The following VAV3 variants were observed in gnomAD, a reference collection of about 807,000 sequenced individuals.
VAV3 encodes the protein vav guanine nucleotide exchange factor 3, also known as guanine nucleotide exchange factor VAV3.
A neutral mutation model predicts 131.2 loss-of-function variants in VAV3; 94 were observed. The observed-to-expected ratio is 0.72, with a 90% CI of 0.61 to 0.85. VAV3 has a LOEUF of 0.85. Among genes scored for constraint, VAV3 ranks in the 40% least tolerant of loss-of-function variants. The probability of loss-of-function intolerance (pLI) is 0.00; values close to 1 mark genes in which losing one functional copy is unlikely to be tolerated. For missense variants in VAV3, 939 were observed against 1,002.7 expected, an observed-to-expected ratio of 0.94 and a Z score of 0.86; for synonymous variants, 349 against 342.0, an observed-to-expected ratio of 1.02 and a Z score of -0.22.
intron 20 of VAV3, among the ~76,000 whole-genome samples, chr1:107,638,909 T>C (rs958220318): frequency 2.0e-5 from 3 of 151,708 alleles, no homozygotes; most frequent in African/African-American, 7.3e-5. Flanking sequence ...TACACACACA[T>C]ATAGATACAC....
intron 1 of VAV3, among the ~76,000 whole-genome samples, chr1:107,917,775 T>C (rs1361550241): frequency 2.0e-5 from 3 of 152,270 alleles, no homozygotes; most frequent in East Asian, 1.9e-4. Flanking sequence ...TTTTTCAATT[T>C]TGGAATACTT....
chr1:107,859,677 A>G (rs1467706959), intron 2 of VAV3, among the ~76,000 whole-genome samples: 1 of 152,228 alleles, frequency 6.6e-6, no homozygotes, highest in Non-Finnish European at 1.5e-5. Context: ...TAAATTCAAT[A>G]TAAATACATC....
intron 2 of VAV3, chr1:107,862,798 A>T (rs1222954658): frequency 6.9e-6 from 1 of 144,588 alleles, no homozygotes; most frequent in Non-Finnish European, 1.6e-5. Flanking sequence ...TATGTGCCAT[A>T]GCCTTGGAAA....
intron 1 of VAV3, among the ~76,000 whole-genome samples, chr1:107,941,165 C>T (rs1327758013): frequency 6.6e-6 from 1 of 152,152 alleles, no homozygotes; most frequent in African/African-American, 2.4e-5. Flanking sequence ...GTGGTGGCAA[C>T]CGTAGTCCCT....
intron 1 of VAV3, among the ~76,000 whole-genome samples, chr1:107,923,077 GT>G (rs1557926554): frequency 1.3e-5 from 2 of 151,948 alleles, no homozygotes; most frequent in Non-Finnish European, 2.9e-5. Flanking sequence ...AGCTTGCAGA[GT>G]TTTTTTATGC....
chr1:107,832,666 C>T (rs941219402), intron 2 of VAV3, among the ~76,000 whole-genome samples: 11 of 152,160 alleles, frequency 7.2e-5, no homozygotes, highest in African/African-American at 2.2e-4. Context: ...TTTAACACCT[C>T]GGTAGAAATG....
chr1:107,737,543 A>G (rs1662732587), intron 15 of VAV3, among the ~76,000 whole-genome samples: 1 of 152,252 alleles, frequency 6.6e-6, no homozygotes, highest in African/African-American at 2.4e-5. Flanking sequence ...AAGTAGGCAA[A>G]GGATATGAAC....
chr1:107,664,085 CTCTT>C (rs914384368), intron 19 of VAV3, among the ~76,000 whole-genome samples: 7 of 151,886 alleles, frequency 4.6e-5, no homozygotes, highest in Admixed American at 6.6e-5. Context: ...TTTTTTTCTT[CTCTT>C]TCTTAATGGT....
intron 2 of VAV3, chr1:107,785,317 G>T: frequency 1.2e-6 from 1 of 803,950 alleles, no homozygotes; most frequent in Non-Finnish European, 1.7e-6. Flanking sequence ...CCAAAAAGTT[G>T]CTAATTAATT....
chr1:107,885,846 C>T (rs1487558549), intron 1 of VAV3, among the ~76,000 whole-genome samples: 4 of 152,176 alleles, frequency 2.6e-5, no homozygotes, highest in Non-Finnish European at 4.4e-5. Context: ...TCTTATATGG[C>T]AGACTGTCCC....
intron 3 of VAV3, chr1:107,777,853 G>A (rs1229300704): frequency 1.3e-5 from 2 of 152,482 alleles, no homozygotes; most frequent in African/African-American, 4.8e-5. Context: ...GGGTATTTAA[G>A]CTGTATGTTT....
intron 2 of VAV3, among the ~76,000 whole-genome samples, chr1:107,835,504 C>A (rs1217925389): frequency 1.3e-5 from 2 of 152,212 alleles, no homozygotes; most frequent in African/African-American, 4.8e-5. Flanking sequence ...ATGCCTCCCT[C>A]TGCGGGGCTG....
chr1:107,839,465 T>G (rs1286711615), intron 2 of VAV3, among the ~76,000 whole-genome samples: 1 of 152,152 alleles, frequency 6.6e-6, no homozygotes, highest in Non-Finnish European at 1.5e-5. Flanking sequence ...AACTTTGAAA[T>G]ATTTTAACTA....
rs547119995 is a variant in VAV3, at chr1:107,871,557, T to C, written c.321+3344A>G. On this transcript the variant is annotated intron_variant, in intron 2 of 26. Coordinates refer to ENST00000370056, the MANE Select transcript of VAV3 (RefSeq NM_006113.5). ...AAACTGTTCTAATTTTTGTTGATGTTGGTGGAGTTTGAAGTGAATTACTAC... is the reference window on the plus strand; with the variant it reads ...AAACTGTTCTAATTTTTGTTGATGTCGGTGGAGTTTGAAGTGAATTACTAC... Among the ~76,000 whole-genome samples, 22 of 152,204 alleles carry C rather than the reference T, an allele frequency of 1.4e-4. No individual in the cohort carries two copies. In the East Asian group the frequency reaches 2.1e-3, roughly 15 times the overall value.
intron 9 of VAV3, among the ~76,000 whole-genome samples, chr1:107,764,250 T>C (rs1664609439): frequency 6.6e-6 from 1 of 152,174 alleles, no homozygotes; most frequent in Non-Finnish European, 1.5e-5. Flanking sequence ...TACATACCAA[T>C]TGTTCAGGAA....
At chr1:107,800,181 A>C (rs1376696326) in intron 2 of VAV3, among the ~76,000 whole-genome samples, 3 of 152,160 alleles carry the variant, frequency 2.0e-5, no homozygotes, top group Admixed American at 6.5e-5. Flanking sequence ...TCTTCAATAT[A>C]TTTATTTCCA....
intron 15 of VAV3, among the ~76,000 whole-genome samples, chr1:107,742,556 C>G (rs566546460): frequency 9.2e-5 from 14 of 152,284 alleles, no homozygotes; most frequent in Non-Finnish European, 1.9e-4. Context: ...TCTCAAAAGG[C>G]CTTTTCCCCT....
At chr1:107,665,363 G>C (rs1244375783) in intron 19 of VAV3, among the ~76,000 whole-genome samples, 1 of 152,086 alleles carries the variant, frequency 6.6e-6, no homozygotes, top group Middle Eastern at 3.2e-3. Context: ...AGCTGGTTTG[G>C]TTTTTCTTAT....
chr1:107,791,058 C>T (rs1343877546), intron 2 of VAV3, among the ~76,000 whole-genome samples: 1 of 152,102 alleles, frequency 6.6e-6, no homozygotes, highest in Non-Finnish European at 1.5e-5. Context: ...GAGTTCTATA[C>T]ATCGATAGTC....
Sources: allele counts gnomAD v4.1 joint callset (sites outside exome capture counted in the v4.1 genomes callset), GRCh38; gene constraint gnomAD v4.1.1; transcripts MANE v1.5; gene names NCBI Gene and HGNC (gene_info 2026-07-23, HGNC 2026-07-21).